VWC2L: variants seen among roughly 807,000 people sequenced by gnomAD.
VWC2L encodes the protein von Willebrand factor C domain containing 2 like.
A neutral mutation model predicts 21.6 loss-of-function variants in VWC2L; 10 were observed. The ratio of observed to expected loss-of-function variants is 0.46; its 90% CI spans 0.29 to 0.78. The LOEUF (loss-of-function observed/expected upper bound fraction) is 0.78, where lower values mean the gene tolerates loss of function less well. Among genes scored for constraint, VWC2L ranks in the 30% least tolerant of loss-of-function variants. The pLI is 0.10. For synonymous variants in VWC2L, 96 were observed against 94.3 expected (o/e 1.02, Z -0.10); for missense variants, 209 against 277.1 (o/e 0.75, Z 1.74).
intron 3 of VWC2L, among the ~76,000 whole-genome samples, chr2:214,494,219 C>T (rs1688781440): frequency 6.6e-6 from 1 of 152,138 alleles, no homozygotes; most frequent in South Asian, 2.1e-4. Context: ...CTAAGGTTTT[C>T]TTTCTTGCTA....
chr2:214,457,937 T>G (rs1703080645), intron 3 of VWC2L, among the ~76,000 whole-genome samples: 1 of 152,258 alleles, frequency 6.6e-6, no homozygotes, highest in East Asian at 1.9e-4. Flanking sequence ...TTTCTTCTAT[T>G]GTTTCCTTGT....
In VWC2L at chr2:214,499,009, C is replaced by CTTTTTTTTTTTTTT. The variant is rs56085205; in HGVS notation, c.520+62267_520+62280dup. Among the ~76,000 whole-genome samples, 17 of 83,420 alleles carry CTTTTTTTTTTTTTT rather than the reference C, an allele frequency of 2.0e-4. 2 individuals carry two copies. The highest frequency in any genetic ancestry group is 9.7e-4 in the African/African-American group (16 of 16,472). The allele number at this position is 83,420 out of a possible 152,430, so 54.7% of individuals were successfully genotyped here. On this transcript the variant is annotated intron_variant, in intron 3 of 3. Transcript: ENST00000312504. ...CTTCTGAGGCTTATATCGTACCATT[C>CTTTTTTTTTTTTTT]TTTTTTTTTTTTTTTTTTTTTTTTT...
chr2:214,518,577 T>A (rs888202210), intron 3 of VWC2L, among the ~76,000 whole-genome samples: 2 of 152,184 alleles, frequency 1.3e-5, no homozygotes, highest in African/African-American at 4.8e-5. Flanking sequence ...GAAAAGCTTG[T>A]CTCTAGTCTG....
chr2:214,537,591 G>C (rs1420963857), intron 3 of VWC2L, among the ~76,000 whole-genome samples: 1 of 151,894 alleles, frequency 6.6e-6, no homozygotes, highest in African/African-American at 2.4e-5. Context: ...TGGCCAAAGG[G>C]TACAAAGTTA....
chr2:214,487,096 G>C (rs1688682022), intron 3 of VWC2L, among the ~76,000 whole-genome samples: 1 of 152,212 alleles, frequency 6.6e-6, no homozygotes, highest in South Asian at 2.1e-4. Flanking sequence ...TGTGAAGACA[G>C]AGGAAGGCGG....
intron 3 of VWC2L, among the ~76,000 whole-genome samples, chr2:214,533,531 G>T (rs1689475031): frequency 7.5e-6 from 1 of 134,174 alleles, no homozygotes; most frequent in Non-Finnish European, 1.6e-5. Context: ...CTCCCTTGTA[G>T]GGCATAGAGG....
In VWC2L at chr2:214,503,966, A is replaced by G. The variant is rs1361407156; in HGVS notation, c.520+67208A>G. ...AGATTATTCTGCAGGGAAGGAGCACAATTTGTTGACTATAAGAAGACCACT... is the reference window on the plus strand; with the variant it reads ...AGATTATTCTGCAGGGAAGGAGCACGATTTGTTGACTATAAGAAGACCACT... On this transcript the variant is annotated intron_variant, in intron 3 of 3. Transcript: ENST00000312504. Among the ~76,000 whole-genome samples the G allele has an allele frequency of 8.7e-5, 10 of 115,436 alleles. No individual in the cohort carries two copies. The East Asian group carries it at 3.1e-3, about 36-fold the overall frequency. The allele number at this position is 115,436 out of a possible 152,430, so 75.7% of individuals were successfully genotyped here. A position where few individuals can be genotyped will look rare whatever the true frequency, so the allele number is the denominator to read the frequency against.
chr2:214,493,562 C>T (rs1688773392), intron 3 of VWC2L, among the ~76,000 whole-genome samples: 1 of 152,088 alleles, frequency 6.6e-6, no homozygotes, highest in Non-Finnish European at 1.5e-5. Flanking sequence ...GCAAAGGTGG[C>T]CACTATTGGT....
At chr2:214,554,770 C>T (rs1232876202) in intron 3 of VWC2L, among the ~76,000 whole-genome samples, 1 of 152,154 alleles carries the variant, frequency 6.6e-6, no homozygotes, top group East Asian at 1.9e-4. Flanking sequence ...CTCTTTGTAG[C>T]AATAAGATAC....
chr2:214,455,357 A>T (rs955392083), intron 3 of VWC2L, among the ~76,000 whole-genome samples: 13 of 152,192 alleles, frequency 8.5e-5, no homozygotes, highest in African/African-American at 3.1e-4. Flanking sequence ...TGTTAATAAT[A>T]TTCCCTTAGT....
At chr2:214,481,550 G>A (rs940445610) in intron 3 of VWC2L, among the ~76,000 whole-genome samples, 3 of 152,180 alleles carry the variant, frequency 2.0e-5, no homozygotes, top group African/African-American at 7.2e-5. Flanking sequence ...CCAGAACTAT[G>A]AGAAAGAACT....
chr2:214,491,533 A>G (rs754092291), intron 3 of VWC2L, among the ~76,000 whole-genome samples: 3 of 152,190 alleles, frequency 2.0e-5, no homozygotes, highest in Non-Finnish European at 4.4e-5. Flanking sequence ...GTGCTTTTGG[A>G]TAACCATTTT....
intron 2 of VWC2L, among the ~76,000 whole-genome samples, chr2:214,420,067 A>G (rs1406788832): frequency 6.6e-6 from 1 of 152,110 alleles, no homozygotes; most frequent in Non-Finnish European, 1.5e-5. Context: ...CCAAAAAAAG[A>G]AATAAGAAAA....
intron 3 of VWC2L, among the ~76,000 whole-genome samples, chr2:214,454,598 CTTTTTTT>C (rs34032234): frequency 1.1e-4 from 7 of 64,134 alleles, no homozygotes; most frequent in African/African-American, 3.2e-4. Flanking sequence ...GATTGATTTT[CTTTTTTT>C]TTTTTTTTTT....
At chr2:214,505,542 TTTAA>T (rs1688956117) in intron 3 of VWC2L, among the ~76,000 whole-genome samples, 1 of 152,178 alleles carries the variant, frequency 6.6e-6, no homozygotes, top group South Asian at 2.1e-4. Flanking sequence ...TTGCACAGTA[TTTAA>T]TTAGCCATAA....
intron 3 of VWC2L, among the ~76,000 whole-genome samples, chr2:214,522,575 T>C (rs1689262528): frequency 6.6e-6 from 1 of 152,046 alleles, no homozygotes; most frequent in Non-Finnish European, 1.5e-5. Context: ...GAATGAGGTA[T>C]CCATCCCTAA....
intron 3 of VWC2L, among the ~76,000 whole-genome samples, chr2:214,461,938 G>A (rs1464461875): frequency 1.3e-5 from 2 of 152,230 alleles, no homozygotes; most frequent in Admixed American, 1.3e-4. Flanking sequence ...CCAGTGAACT[G>A]CACTGCTCGT....
chr2:214,456,472 C>G (rs1051235996), intron 3 of VWC2L, among the ~76,000 whole-genome samples: 1 of 151,998 alleles, frequency 6.6e-6, no homozygotes, highest in Non-Finnish European at 1.5e-5. Flanking sequence ...GACATTACGC[C>G]TTTGTCAGAT....
intron 3 of VWC2L, among the ~76,000 whole-genome samples, chr2:214,496,081 A>G (rs1688807417): frequency 6.6e-6 from 1 of 152,120 alleles, no homozygotes; most frequent in South Asian, 2.1e-4. Context: ...ATATTTATAT[A>G]CTGTAGCCTA....
Sources: gnomAD v4.1 joint callset for allele counts (sites outside exome capture counted in the v4.1 genomes callset) on GRCh38, gnomAD v4.1.1 for gene constraint, MANE v1.5 for transcripts, NCBI Gene and HGNC (gene_info 2026-07-23, HGNC 2026-07-21) for gene names.